CDC73: variants seen among roughly 807,000 people sequenced by gnomAD.
CDC73 encodes parafibromin.
CDC73 carries 21 observed loss-of-function variants against 83.7 expected under a neutral mutation model. The ratio of observed to expected loss-of-function variants is 0.25; its 90% CI spans 0.18 to 0.36. CDC73 has a LOEUF of 0.36. Among genes scored for constraint, CDC73 ranks in the 10% least tolerant of loss-of-function variants. The probability of loss-of-function intolerance (pLI) is 1.00; values close to 1 mark genes in which losing one functional copy is unlikely to be tolerated. For missense variants in CDC73, 342 were observed against 653.3 expected, an observed-to-expected ratio of 0.52 and a Z score of 5.19; for synonymous variants, 224 against 212.9, an observed-to-expected ratio of 1.05 and a Z score of -0.45.
intron 3 of CDC73, among the ~76,000 whole-genome samples, chr1:193,132,774 A>G (rs1167539298): frequency 6.6e-6 from 1 of 152,076 alleles, no homozygotes; most frequent in African/African-American, 2.4e-5. Context: ...CTCTATTCTT[A>G]AGCATCGCAG....
chr1:193,200,605 C>G (rs936024724), intron 10 of CDC73, among the ~76,000 whole-genome samples: 1 of 152,214 alleles, frequency 6.6e-6, no homozygotes, highest in African/African-American at 2.4e-5. Context: ...TTCCTCTCCA[C>G]TTAGCACAAC....
intron 15 of CDC73, 43 bp from the exon 16 acceptor site, chr1:193,249,687 T>C (rs561374709): frequency 2.6e-5 from 39 of 1,525,718 alleles, no homozygotes; most frequent in Admixed American, 8.6e-5. Flanking sequence ...TCTTTTTTTT[T>C]ATTTTGAGTA....
chr1:193,156,382 A>G (rs1046150194), intron 10 of CDC73, among the ~76,000 whole-genome samples: 3 of 152,184 alleles, frequency 2.0e-5, no homozygotes, highest in Non-Finnish European at 2.9e-5. Context: ...ACACCCTGCA[A>G]TTATAGAGAT....
intron 15 of CDC73, among the ~76,000 whole-genome samples, chr1:193,242,992 G>C (rs1677888699): frequency 7.2e-6 from 1 of 138,480 alleles, no homozygotes; most frequent in East Asian, 2.1e-4. Flanking sequence ...TTGCTCTGTT[G>C]CCCAGGCTGG....
At chr1:193,173,004 T>C (rs1289234562) in intron 10 of CDC73, among the ~76,000 whole-genome samples, 1 of 152,202 alleles carries the variant, frequency 6.6e-6, no homozygotes, top group African/African-American at 2.4e-5. Flanking sequence ...TAGGGATTCT[T>C]GCAGTCTTCC....
intron 10 of CDC73, among the ~76,000 whole-genome samples, chr1:193,162,263 A>ATTATCTATTATATTGTATG (rs1558293586): frequency 8.4e-6 from 1 of 119,028 alleles, no homozygotes. Flanking sequence ...TATAGTATAT[A>ATTATCTATTATATTGTATG]TAATAGATAA....
At chr1:193,169,785 T>C (rs1676489790) in intron 10 of CDC73, among the ~76,000 whole-genome samples, 1 of 152,200 alleles carries the variant, frequency 6.6e-6, no homozygotes, top group South Asian at 2.1e-4. Context: ...GTGATCCCTT[T>C]TGTAATTTTA....
intron 2 of CDC73, among the ~76,000 whole-genome samples, chr1:193,129,570 A>G (rs1214340445): frequency 1.3e-5 from 2 of 151,758 alleles, no homozygotes; most frequent in Non-Finnish European, 2.9e-5. Context: ...GCAGTGGTGC[A>G]GTCTCGGCTC....
At chr1:193,146,976 C>G (rs1329910211) in intron 7 of CDC73, among the ~76,000 whole-genome samples, 1 of 151,954 alleles carries the variant, frequency 6.6e-6, no homozygotes, top group Non-Finnish European at 1.5e-5. Context: ...CCTCTTTTGA[C>G]AAATGTATTT....
chr1:193,202,221 A>G (rs989159783), intron 10 of CDC73, among the ~76,000 whole-genome samples: 3 of 152,116 alleles, frequency 2.0e-5, no homozygotes, highest in Non-Finnish European at 4.4e-5. Context: ...TTAAAAATCT[A>G]GGTGCAGTTC....
chr1:193,233,093 A>G lies in CDC73; in HGVS notation c.1255A>G (p.Ile419Val), dbSNP rs1198867364. The G allele has an allele frequency of 2.5e-6, 4 of 1,613,632 alleles. No individual in the cohort carries two copies. Among genetic ancestry groups the G allele is most frequent in the Admixed American group, 3.3e-5 (2 of 59,998 alleles). The change falls in exon 14 of 17, where the codon ATT (isoleucine) becomes GTT (valine). Residue 419 changes from isoleucine (I) to valine (V), a missense_variant. This residue lies in a region of CDC73 where 239 missense variants were observed against 420.6 expected (regional missense o/e 0.57). Coordinates refer to ENST00000367435, the MANE Select transcript of CDC73 (RefSeq NM_024529.5). ...CCAGATGCAACCAGGGGGCACTGCA[A>G]TTAGTGTTACAGTACCTTATAGAGT... Reference protein sequence around the residue: ...KDQMQPGGTAISVTVPYRVVD... With the variant: ...KDQMQPGGTAVSVTVPYRVVD...
intron 3 of CDC73, among the ~76,000 whole-genome samples, chr1:193,131,458 C>G (rs1352839250): frequency 6.6e-6 from 1 of 152,182 alleles, no homozygotes; most frequent in African/African-American, 2.4e-5. Context: ...GGTCCCCACT[C>G]TTTATTTCCT....
At chr1:193,229,257 A>G (rs1677615696) in intron 13 of CDC73, among the ~76,000 whole-genome samples, 1 of 152,258 alleles carries the variant, frequency 6.6e-6, no homozygotes, top group South Asian at 2.1e-4. Context: ...AAAAACACTT[A>G]TACAGGAATT....
intron 10 of CDC73, among the ~76,000 whole-genome samples, chr1:193,198,390 G>A (rs923327201): frequency 6.6e-6 from 1 of 152,194 alleles, no homozygotes; most frequent in Non-Finnish European, 1.5e-5. Context: ...AAAAGGGCTG[G>A]AGGGAATTAG....
intron 15 of CDC73, among the ~76,000 whole-genome samples, chr1:193,245,567 A>G (rs1677939480): frequency 6.6e-6 from 1 of 152,130 alleles, no homozygotes; most frequent in East Asian, 1.9e-4. Flanking sequence ...GCTGTTGTTA[A>G]TAGGACTGTG....
chr1:193,180,690 G>C, intron 10 of CDC73: 1 of 1,614,026 alleles, frequency 6.2e-7, no homozygotes, highest in Non-Finnish European at 8.5e-7. Context: ...TGCTATCTTT[G>C]TTTCGATTGG....
rs544841785 is a variant in CDC73 at position 193,154,969 on chromosome 1, G to A, written c.972+2525G>A. On this transcript the variant is annotated intron_variant, in intron 10 of 16. Transcript: ENST00000367435. ...TAACTTCCTTCCTAATTTATGTATA[G>A]TTCATTTTTGCAGCCATTGTTCTCC... is the stretch of plus-strand genomic sequence containing the variant. Among the ~76,000 whole-genome samples the A allele has an allele frequency of 1.4e-4, 22 of 152,184 alleles. No individual in the cohort carries two copies. In the South Asian group the frequency reaches 3.9e-3, roughly 27 times the overall value.
chr1:193,194,201 G>A (rs1676964541), intron 10 of CDC73, among the ~76,000 whole-genome samples: 1 of 152,094 alleles, frequency 6.6e-6, no homozygotes. Flanking sequence ...TACTACAGTG[G>A]CATTGTTTCT....
At chr1:193,207,527 C>A (rs771159434) in intron 11 of CDC73, among the ~76,000 whole-genome samples, 6 of 152,138 alleles carry the variant, frequency 3.9e-5, no homozygotes, top group Non-Finnish European at 5.9e-5. Context: ...ATAGACCTCC[C>A]CCCAGAAATG....
Sources: allele counts gnomAD v4.1 joint callset (sites outside exome capture counted in the v4.1 genomes callset), GRCh38; gene constraint gnomAD v4.1.1; regional missense constraint gnomAD v4.1.1; transcripts MANE v1.5; gene names NCBI Gene and HGNC (gene_info 2026-07-23, HGNC 2026-07-21).